Variants in GOT1 observed in about 807,000 individuals in gnomAD.
GOT1 encodes the protein glutamic-oxaloacetic transaminase 1.
GOT1 carries 25 observed loss-of-function variants against 48.2 expected under a neutral mutation model. The observed-to-expected ratio is 0.52, with a 90% CI of 0.38 to 0.72. The LOEUF (loss-of-function observed/expected upper bound fraction) is 0.72. Ranked by LOEUF, GOT1 falls within the 30% of genes least tolerant of loss-of-function variation. GOT1 has a pLI of 0.00. For synonymous variants in GOT1, 188 were observed against 193.8 expected (o/e 0.97, Z 0.25); for missense variants, 380 against 520.1 (o/e 0.73, Z 2.62).
In GOT1 at chr10:99,403,225, TG is replaced by T. The variant is rs11378738; in HGVS notation, c.959+243del. On this transcript the variant is annotated intron_variant, in intron 7 of 8. Transcript: ENST00000370508. ...CAACTTCATGGAGAGGAAGACTGGG[TG>T]GGGGGGGAAATTGGGGAAAACTACC... Among the ~76,000 whole-genome samples, 68 of 150,782 alleles carry T rather than the reference TG, an allele frequency of 4.5e-4. 1 individual carries two copies. Among genetic ancestry groups the T allele is most frequent in the East Asian group, 1.2e-3 (6 of 5,126 alleles).
chr10:99,429,085 T>C (rs1422063003), intron 1 of GOT1, among the ~76,000 whole-genome samples: 4 of 151,996 alleles, frequency 2.6e-5, no homozygotes, highest in African/African-American at 9.7e-5. Flanking sequence ...AGTCTCGCTC[T>C]GTCGCCCAGC....
At chr10:99,405,545 AC>A (rs1258623966) in intron 5 of GOT1, among the ~76,000 whole-genome samples, 1 of 151,888 alleles carries the variant, frequency 6.6e-6, no homozygotes, top group Non-Finnish European at 1.5e-5. Context: ...ACACACACAC[AC>A]ACACACACAC....
chr10:99,407,190 TG>T (rs2032771613), intron 2 of GOT1, among the ~76,000 whole-genome samples: 1 of 152,100 alleles, frequency 6.6e-6, no homozygotes, highest in Non-Finnish European at 1.5e-5. Context: ...TTAGTGTGTG[TG>T]TGTGTGTGTG....
At chr10:99,428,112 A>G (rs2033064439) in intron 1 of GOT1, among the ~76,000 whole-genome samples, 1 of 152,188 alleles carries the variant, frequency 6.6e-6, no homozygotes, top group Non-Finnish European at 1.5e-5. Flanking sequence ...TTCTGAACCA[A>G]GGTCATAAAT....
In GOT1 at chr10:99,397,446, G is replaced by T; in HGVS notation, c.*101C>A. The T allele has an allele frequency of 7.9e-7, 1 of 1,273,688 alleles. No homozygotes were observed. Among genetic ancestry groups the T allele is most frequent in the Non-Finnish European group, 1.1e-6 (1 of 882,580 alleles). 78.9% of individuals were successfully genotyped at this position (1,273,688 alleles called of 1,614,324 possible). ...CTCACCAGAGCAGCCTTTCAGTCCT[G>T]CAAGTGTCTCTAATCCATGGTATGT... On this transcript the variant is annotated 3_prime_UTR_variant, in exon 9 of 9. Transcript: ENST00000370508. This position sits in a 1 kb window ranked among gnomAD's most constrained non-coding sequence, Gnocchi z 5.4.
chr10:99,405,573 T>G (rs1380811139), intron 5 of GOT1, among the ~76,000 whole-genome samples, 183 bp downstream of exon 5: 1 of 151,048 alleles, frequency 6.6e-6, no homozygotes, highest in Non-Finnish European at 1.5e-5. Context: ...TGACATTCTA[T>G]CTACCAAAAC....
intron 1 of GOT1, 56 bp downstream of exon 1, chr10:99,430,392 G>C (rs79694820): frequency 1.6e-5 from 25 of 1,604,482 alleles, no homozygotes; most frequent in Non-Finnish European, 2.0e-5. Context: ...CCACGACCTG[G>C]GTTGGGTCCG....
intron 8 of GOT1, among the ~76,000 whole-genome samples, chr10:99,398,639 C>G (rs181200829): frequency 1.1e-3 from 174 of 152,058 alleles, no homozygotes; most frequent in Admixed American, 0.011. Flanking sequence ...CCACTGCACT[C>G]CAGCCTGGGT....
At chr10:99,418,783 G>A (rs531770620) in intron 2 of GOT1, among the ~76,000 whole-genome samples, 8 of 152,086 alleles carry the variant, frequency 5.3e-5, no homozygotes, top group East Asian at 3.9e-4. Flanking sequence ...GATTACAGGC[G>A]TGCATCACCA....
At chr10:99,407,783 T>TTTAA (rs1554947028) in intron 2 of GOT1, among the ~76,000 whole-genome samples, 3 of 148,790 alleles carry the variant, frequency 2.0e-5, no homozygotes, top group African/African-American at 7.4e-5. Flanking sequence ...AAAAGCCATA[T>TTTAA]TTTATTTATT....
Position 99,430,444 on chromosome 10 carries a change from T to A in GOT1, c.118+4A>T. ...GCTCACACTCCAGAGCACTACATCC[T>A]TACCTCCCACTCCCAGGTTGACCTT... On this transcript the variant is annotated splice_donor_region_variant and intron_variant, in intron 1 of 8. Coordinates refer to ENST00000370508, the MANE Select transcript of GOT1 (RefSeq NM_002079.3). 6.2e-7 allele frequency: 1 copy of A among 1,605,498 alleles called. No individual in the cohort carries two copies. The highest frequency in any genetic ancestry group is 8.5e-7 in the Non-Finnish European group (1 of 1,175,046).
chr10:99,410,749 T>G (rs1314209273), intron 2 of GOT1, among the ~76,000 whole-genome samples: 1 of 152,226 alleles, frequency 6.6e-6, no homozygotes, highest in Non-Finnish European at 1.5e-5. Context: ...TTTGGCAAAT[T>G]GTCCTACAGC....
chr10:99,402,823 G>T, intron 7 of GOT1, 101 bp from the exon 8 acceptor site: 1 of 973,260 alleles, frequency 1.0e-6, no homozygotes. Flanking sequence ...AGCTGACAAT[G>T]GGATCATAAC....
chr10:99,425,396 A>T (rs1589944536), intron 1 of GOT1, among the ~76,000 whole-genome samples: 1 of 152,228 alleles, frequency 6.6e-6, no homozygotes, highest in Non-Finnish European at 1.5e-5. Context: ...GAGTAACATG[A>T]GCAGCTGCAC....
At chr10:99,412,111 G>A (rs1262501365) in intron 2 of GOT1, among the ~76,000 whole-genome samples, 7 of 152,126 alleles carry the variant, frequency 4.6e-5, no homozygotes, top group Admixed American at 4.6e-4. Flanking sequence ...AATAAGGGAG[G>A]GCATTCCAAA....
At position 99,420,826 on chromosome 10, in the gene GOT1, A is replaced by G. The variant is rs531562990; in HGVS notation, c.119-21T>C. On this transcript the variant is annotated intron_variant, in intron 1 of 8. Coordinates refer to ENST00000370508, the MANE Select transcript of GOT1 (RefSeq NM_002079.3). ...ATATGCTGGAGAATGGAAAAGAGTT[A>G]TACATAGTGGAGGCTCATGCTGTGT... The G allele has an allele frequency of 1.4e-5, 23 of 1,596,522 alleles. No homozygotes were observed. The South Asian group carries it at 2.4e-4, about 16-fold the overall frequency.
In GOT1 at chr10:99,397,434, C is replaced by T. The variant is rs899465169; in HGVS notation, c.*113G>A. Reference sequence around the variant, plus strand: ...AACAGAGGCTGCCTCACCAGAGCAGCCTTTCAGTCCTGCAAGTGTCTCTAA... The same window carrying T: ...AACAGAGGCTGCCTCACCAGAGCAGTCTTTCAGTCCTGCAAGTGTCTCTAA... On this transcript the variant is annotated 3_prime_UTR_variant, in exon 9 of 9. Transcript: ENST00000370508. This position sits in a 1 kb window ranked among gnomAD's most constrained non-coding sequence, Gnocchi z 5.4. 10 of 1,149,610 alleles carry T rather than the reference C, an allele frequency of 8.7e-6. No homozygotes were observed. Among genetic ancestry groups the T allele is most frequent in the Non-Finnish European group, 1.3e-5 (10 of 776,236 alleles). 71.2% of individuals were successfully genotyped at this position (1,149,610 alleles called of 1,614,324 possible).
chr10:99,405,967 G>T, intron 4 of GOT1, 107 bp from the exon 5 acceptor site: 1 of 806,430 alleles, frequency 1.2e-6, no homozygotes, highest in African/African-American at 1.7e-5. Context: ...CCATATTCTT[G>T]TCACTCTTTC....
chr10:99,424,234 G>A (rs1001699862), intron 1 of GOT1, among the ~76,000 whole-genome samples: 3 of 152,122 alleles, frequency 2.0e-5, no homozygotes, highest in Non-Finnish European at 4.4e-5. Context: ...CCAAATCTTT[G>A]TCCTTTGAAA....
Sources: allele counts gnomAD v4.1 joint callset (sites outside exome capture counted in the v4.1 genomes callset), GRCh38; gene constraint gnomAD v4.1.1; non-coding constraint Gnocchi (gnomAD v3.1); transcripts MANE v1.5; gene names NCBI Gene and HGNC (gene_info 2026-07-23, HGNC 2026-07-21).